SVIL: variants seen among roughly 807,000 people sequenced by gnomAD.
SVIL encodes the protein supervillin.
SVIL carries 101 observed loss-of-function variants against 240.4 expected under a neutral mutation model. That is an observed-to-expected ratio of 0.42 (90% confidence interval 0.36 to 0.50). The LOEUF (loss-of-function observed/expected upper bound fraction) is 0.50. SVIL is among the 20% of genes least tolerant of loss of function. The probability of loss-of-function intolerance (pLI) is 0.01; values close to 1 mark genes in which losing one functional copy is unlikely to be tolerated. For missense variants in SVIL, 2,512 were observed against 2,818.7 expected, an observed-to-expected ratio of 0.89 and a Z score of 2.46; for synonymous variants, 999 against 1,100.0, an observed-to-expected ratio of 0.91 and a Z score of 1.82.
At chr10:29,585,764 G>A (rs921319583) in intron 1 of SVIL, among the ~76,000 whole-genome samples, 3 of 152,236 alleles carry the variant, frequency 2.0e-5, no homozygotes, top group African/African-American at 4.8e-5. Context: ...GGAGGGAGGG[G>A]AGAACTGAAG....
intron 1 of SVIL, among the ~76,000 whole-genome samples, chr10:29,616,772 G>A (rs1957441929): frequency 6.6e-6 from 1 of 152,118 alleles, no homozygotes; most frequent in Admixed American, 6.5e-5. Context: ...ACCCATGCTG[G>A]AGTGCAGTGG....
chr10:29,579,641 C>T (rs1341298580), intron 1 of SVIL, among the ~76,000 whole-genome samples: 1 of 152,136 alleles, frequency 6.6e-6, no homozygotes, highest in African/African-American at 2.4e-5. Context: ...GTCACAGCGG[C>T]AGCTCAGACT....
chr10:29,571,899 G>A (rs1359463206), intron 1 of SVIL, among the ~76,000 whole-genome samples: 2 of 152,072 alleles, frequency 1.3e-5, no homozygotes, highest in Non-Finnish European at 2.9e-5. Context: ...TTGGGGAGGC[G>A]GGATCAAAAT....
upstream of SVIL, among the ~76,000 whole-genome samples, chr10:29,635,238 T>C (rs561294087): frequency 5.3e-5 from 8 of 152,306 alleles, no homozygotes; most frequent in African/African-American, 1.7e-4. Context: ...ACTTAGTTTT[T>C]TTAGGCTAAA....
intron 1 of SVIL, among the ~76,000 whole-genome samples, chr10:29,572,341 G>A (rs1453668103): frequency 1.3e-5 from 2 of 152,040 alleles, no homozygotes; most frequent in African/African-American, 2.4e-5. Flanking sequence ...GAGGAACAAC[G>A]TCAGTACCTT....
intron 29 of SVIL, among the ~76,000 whole-genome samples, chr10:29,474,484 A>T (rs1945946971): frequency 6.6e-6 from 1 of 152,078 alleles, no homozygotes; most frequent in Admixed American, 6.5e-5. Flanking sequence ...AGTCCCAGCT[A>T]CTTGGGAGAC....
intron 3 of SVIL, among the ~76,000 whole-genome samples, chr10:29,649,282 C>T (rs565493320): frequency 6.6e-6 from 1 of 152,208 alleles, no homozygotes; most frequent in East Asian, 1.9e-4. Context: ...ATTTAAAAAT[C>T]CTGTGAATCT....
At chr10:29,582,589 A>G (rs1955992184) in intron 1 of SVIL, among the ~76,000 whole-genome samples, 1 of 151,916 alleles carries the variant, frequency 6.6e-6, no homozygotes, top group African/African-American at 2.4e-5. Context: ...AACATTTTAA[A>G]ATTAGCCAGG....
At position 29,532,742 on chromosome 10, in the gene SVIL, T is replaced by C. The variant is rs1349192380; in HGVS notation, c.1625A>G (p.Lys542Arg). The C allele has an allele frequency of 1.2e-6, 2 of 1,614,174 alleles. No homozygotes were observed. Among genetic ancestry groups the C allele is most frequent in the East Asian group, 4.5e-5 (2 of 44,874 alleles). Reference protein sequence around the residue: ...GHNREASKKRKVRTRSLSDFT... With the variant: ...GHNREASKKRRVRTRSLSDFT... ...ATCTGACAGAGAGCGGGTACGGACC[T>C]TGCGCTTTTTCGAGGCTTCCCTGTT... is the stretch of plus-strand genomic sequence containing the variant. Residue 542 changes from lysine to arginine, a missense_variant, in exon 8 of 38, where the codon AAG becomes AGG. Physicochemically the swap from Lys to Arg is conservative, Grantham distance 26. Transcript: ENST00000355867.
At chr10:29,507,629 T>A in intron 17 of SVIL, 1 of 356,982 alleles carries the variant, frequency 2.8e-6, no homozygotes, top group Non-Finnish European at 3.8e-6. Flanking sequence ...ACACCTCTCT[T>A]TCAAAGTGAA....
chr10:29,531,302 T>C lies in SVIL; in HGVS notation c.2010-14A>G. On this transcript the variant is annotated splice_polypyrimidine_tract_variant and intron_variant, in intron 9 of 37. Coordinates refer to ENST00000355867, the MANE Select transcript of SVIL (RefSeq NM_021738.3). ...TGTGAAGTGCACCTAGGAAAGACATTAGCAAATAACAATAATACATTAGCA... is the reference window on the plus strand; with the variant it reads ...TGTGAAGTGCACCTAGGAAAGACATCAGCAAATAACAATAATACATTAGCA... 6.2e-7 allele frequency: 1 copy of C among 1,612,830 alleles called. No individual in the cohort carries two copies. The highest frequency in any genetic ancestry group is 8.5e-7 in the Non-Finnish European group (1 of 1,179,200).
In SVIL at chr10:29,484,442, C is replaced by T. The variant is rs1048037038; in HGVS notation, c.4955+214G>A. Among the ~76,000 whole-genome samples, 1 of 152,224 alleles carries T rather than the reference C, an allele frequency of 6.6e-6. No individual in the cohort carries two copies. Among genetic ancestry groups the T allele is most frequent in the Non-Finnish European group, 1.5e-5 (1 of 68,038 alleles). On this transcript the variant is annotated intron_variant, in intron 27 of 37. Transcript: ENST00000355867. This position sits in a 1 kb window ranked among gnomAD's most constrained non-coding sequence, Gnocchi z 4.7. ...ACTTCAAGAAATCAACTATAACAAACCTCTTCCAGAAGACTACGACATCCA... is the reference window on the plus strand; with the variant it reads ...ACTTCAAGAAATCAACTATAACAAATCTCTTCCAGAAGACTACGACATCCA...
intron 34 of SVIL, 113 bp downstream of exon 34, chr10:29,465,482 G>T: frequency 7.5e-7 from 1 of 1,335,278 alleles, no homozygotes; most frequent in Non-Finnish European, 1.0e-6. Context: ...TGGGTGCTCT[G>T]GGAATGTACT....
At chr10:29,557,133 T>C (rs1197663032) in intron 3 of SVIL, among the ~76,000 whole-genome samples, 18 of 151,866 alleles carry the variant, frequency 1.2e-4, no homozygotes, top group Non-Finnish European at 1.0e-4. Context: ...TCTCATTCTG[T>C]CACCCAGGCT....
chr10:29,658,666 G>C (rs988426376), intron 2 of SVIL, among the ~76,000 whole-genome samples: 6 of 152,298 alleles, frequency 3.9e-5, no homozygotes, highest in African/African-American at 1.4e-4. Context: ...CAAGGCAGGA[G>C]GATCACTTGA....
At chr10:29,466,952 G>T (rs1348891654) in intron 33 of SVIL, among the ~76,000 whole-genome samples, 1 of 152,146 alleles carries the variant, frequency 6.6e-6, no homozygotes, top group East Asian at 1.9e-4. Flanking sequence ...CAGTTATGAG[G>T]ATACTCCATT....
At chr10:29,548,439 C>T (rs568369027) in intron 6 of SVIL, among the ~76,000 whole-genome samples, 5 of 152,288 alleles carry the variant, frequency 3.3e-5, no homozygotes, top group Admixed American at 3.3e-4. Flanking sequence ...GTAAATTGCA[C>T]TTTTAATATA....
chr10:29,635,317 A>G (rs1382535833), upstream of SVIL, among the ~76,000 whole-genome samples: 1 of 152,212 alleles, frequency 6.6e-6, no homozygotes, highest in Non-Finnish European at 1.5e-5. Context: ...AGACATATAT[A>G]CAATGAATGC....
chr10:29,470,593 G>T (rs1945457976), intron 31 of SVIL, 110 bp from the exon 32 acceptor site: 3 of 1,277,214 alleles, frequency 2.3e-6, no homozygotes, highest in Admixed American at 4.0e-5. Flanking sequence ...TCCGTCCAGG[G>T]CCAGGGACTT....
Sources: allele counts gnomAD v4.1 joint callset (sites outside exome capture counted in the v4.1 genomes callset), GRCh38; gene constraint gnomAD v4.1.1; non-coding constraint Gnocchi (gnomAD v3.1); transcripts MANE v1.5; gene names NCBI Gene and HGNC (gene_info 2026-07-23, HGNC 2026-07-21).